The following TRAPPC8 variants were observed in gnomAD, a reference collection of about 807,000 sequenced individuals.
The protein encoded by TRAPPC8 is trafficking protein particle complex subunit 8, also known as general sporulation gene 1 homolog.
Under a neutral mutation model 174.3 loss-of-function variants are expected in TRAPPC8, and 54 were observed. The ratio of observed to expected loss-of-function variants is 0.31; its 90% confidence interval spans 0.25 to 0.39. The LOEUF (loss-of-function observed/expected upper bound fraction) is 0.39, where lower values mean the gene tolerates loss of function less well. Among genes scored for constraint, TRAPPC8 ranks in the 10% least tolerant of loss-of-function variants. The probability of loss-of-function intolerance (pLI) is 1.00; values close to 1 mark genes in which losing one functional copy is unlikely to be tolerated. For missense variants in TRAPPC8, 1,531 were observed against 1,699.1 expected (o/e 0.90, Z 1.74); for synonymous variants, 630 against 579.9 (o/e 1.09, Z -1.24).
rs1409546557 is a variant in TRAPPC8, at chr18:31,830,801, C to T, written c.4262G>A (p.Ser1421Asn). ...CAGGGCAGGCATGGAATTCTGCTGACTTGTTTCAAACACTGTAACTTGGTC... is the reference window on the plus strand; with the variant it reads ...CAGGGCAGGCATGGAATTCTGCTGATTTGTTTCAAACACTGTAACTTGGTC... The part of the protein sequence containing the change: ...LSDQVTVFET[S>N]QQNSMPALII... The change falls in exon 29 of 29, where the codon AGT becomes AAT. Residue 1421 changes from serine (S) to asparagine (N), a missense_variant. Transcript: ENST00000283351. 6.2e-7 allele frequency: 1 copy of T among 1,614,176 alleles called. No homozygotes were observed. Among genetic ancestry groups the T allele is most frequent in the South Asian group, 1.1e-5 (1 of 91,078 alleles).
chr18:31,891,038 C>A, intron 11 of TRAPPC8, 172 bp from the exon 12 acceptor site: 1 of 426,238 alleles, frequency 2.3e-6, no homozygotes, highest in East Asian at 5.1e-5. Flanking sequence ...CCAATAAACA[C>A]AAAATTCTTT....
In TRAPPC8 at chr18:31,933,162, G is replaced by A. The variant is rs553397230; in HGVS notation, c.158-1639C>T. Among the ~76,000 whole-genome samples the A allele has an allele frequency of 5.6e-4, 85 of 151,940 alleles. 1 individual carries two copies. Among genetic ancestry groups the A allele is most frequent in the African/African-American group, 1.7e-3 (69 of 41,418 alleles). ...TAAAAACATAAAAAATTAGCCGGGCGTGGTGGTGGGCACCTATAGTCCCAG... is the reference window on the plus strand; with the variant it reads ...TAAAAACATAAAAAATTAGCCGGGCATGGTGGTGGGCACCTATAGTCCCAG... On this transcript the variant is annotated intron_variant, in intron 1 of 28. Transcript: ENST00000283351.
chr18:31,875,013 G>A (rs1216324671), intron 12 of TRAPPC8, among the ~76,000 whole-genome samples: 2 of 152,050 alleles, frequency 1.3e-5, no homozygotes, highest in East Asian at 1.9e-4. Flanking sequence ...ATTTCAAAAC[G>A]TCAACTTCAG....
intron 12 of TRAPPC8, among the ~76,000 whole-genome samples, chr18:31,875,792 G>T (rs1217975246): frequency 6.6e-6 from 1 of 152,166 alleles, no homozygotes; most frequent in African/African-American, 2.4e-5. Context: ...CATCATCAAT[G>T]TAAAAAATCA....
rs777600912 is a variant in TRAPPC8, at chr18:31,942,721, G to A, written c.44C>T (p.Ser15Phe). 4.4e-6 allele frequency: 7 copies of A among 1,606,300 alleles called. No individual in the cohort carries two copies. The highest frequency in any genetic ancestry group is 3.3e-5 in the South Asian group (3 of 90,018). The change falls in exon 1 of 29, where the codon TCC becomes TTC. Residue 15 changes from serine to phenylalanine, a missense_variant. Coordinates refer to ENST00000283351, the MANE Select transcript of TRAPPC8 (RefSeq NM_014939.5). ...VQSVQELIPDSFVPCVAALCS... is the reference protein window; with the variant it reads ...VQSVQELIPDFFVPCVAALCS... ...CAGCGCAGCGACACAGGGGACGAAG[G>A]AGTCCGGGATTAGCTCCTGCACTGA...
At chr18:31,931,244 G>C in intron 2 of TRAPPC8, 85 bp downstream of exon 2, 1 of 1,278,100 alleles carries the variant, frequency 7.8e-7, no homozygotes, top group Non-Finnish European at 1.1e-6. Flanking sequence ...TTAAATACAT[G>C]TTGATCATCT....
intron 1 of TRAPPC8, among the ~76,000 whole-genome samples, chr18:31,941,519 G>C (rs970713940): frequency 6.6e-6 from 1 of 152,158 alleles, no homozygotes; most frequent in South Asian, 2.1e-4. Context: ...CAACACTGAA[G>C]GAACTGAGAC....
chr18:31,918,120 C>T (rs4442900), intron 2 of TRAPPC8, among the ~76,000 whole-genome samples: 45 of 151,856 alleles, frequency 3.0e-4, no homozygotes, highest in African/African-American at 9.4e-4. Flanking sequence ...AATGAGACTC[C>T]GTCTCAAAAT....
At chr18:31,901,405 T>C (rs1401195570) in intron 9 of TRAPPC8, among the ~76,000 whole-genome samples, 1 of 152,214 alleles carries the variant, frequency 6.6e-6, no homozygotes, top group East Asian at 1.9e-4. Context: ...CTTGGCCAAC[T>C]GGTCTCAGAG....
chr18:31,935,129 G>C (rs2145651534), intron 1 of TRAPPC8, among the ~76,000 whole-genome samples: 1 of 151,698 alleles, frequency 6.6e-6, no homozygotes, highest in Non-Finnish European at 1.5e-5. Flanking sequence ...CGGATCACCT[G>C]AGGTTGGGAG....
chr18:31,849,732 C>T lies in TRAPPC8; in HGVS notation c.3569G>A (p.Ser1190Asn), dbSNP rs1246278727. 2 of 1,587,900 alleles carry T rather than the reference C, an allele frequency of 1.3e-6. No individual in the cohort carries two copies. Among genetic ancestry groups the T allele is most frequent in the Admixed American group, 3.7e-5 (2 of 53,416 alleles). ...DIIFGNEQIISSASPCADFFY... is the reference protein window; with the variant it reads ...DIIFGNEQIINSASPCADFFY... ...GAAGTCTGCACATGGGCTTGCTGAACTTATTATCTGTTAAAAGAAAATCAC... is the reference window on the plus strand; with the variant it reads ...GAAGTCTGCACATGGGCTTGCTGAATTTATTATCTGTTAAAAGAAAATCAC... Residue 1190 changes from serine (S) to asparagine (N), a missense_variant, in exon 25 of 29, where the codon AGT (serine) becomes AAT (asparagine). Ser to Asn is a conservative substitution (Grantham distance 46). Transcript: ENST00000283351.
At chr18:31,841,242 A>G (rs1210975322) in intron 26 of TRAPPC8, among the ~76,000 whole-genome samples, 1 of 152,178 alleles carries the variant, frequency 6.6e-6, no homozygotes, top group African/African-American at 2.4e-5. Flanking sequence ...GAGGAGAGAA[A>G]AGAAAACCAG....
At chr18:31,864,229 G>T (rs902749754) in intron 19 of TRAPPC8, among the ~76,000 whole-genome samples, 4 of 151,652 alleles carry the variant, frequency 2.6e-5, no homozygotes, top group Admixed American at 2.6e-4. Context: ...GATAGGATGG[G>T]ATAAGAAGGT....
intron 27 of TRAPPC8, among the ~76,000 whole-genome samples, chr18:31,836,722 C>T (rs1568028396): frequency 6.6e-6 from 1 of 151,090 alleles, no homozygotes; most frequent in Non-Finnish European, 1.5e-5. Flanking sequence ...CAAACTGGAA[C>T]CTCTGGGGGT....
At chr18:31,856,466 G>A in intron 20 of TRAPPC8, among the ~76,000 whole-genome samples, 1 of 22,900 alleles carries the variant, frequency 4.4e-5, no homozygotes, top group East Asian at 1.0e-3. Context: ...GATCTTAAGT[G>A]AGGCCCACCT....
intron 11 of TRAPPC8, among the ~76,000 whole-genome samples, chr18:31,896,657 G>A (rs930995613): frequency 1.3e-5 from 2 of 152,076 alleles, no homozygotes; most frequent in East Asian, 1.9e-4. Context: ...AATGAGTCTC[G>A]CTCTGTCGTC....
At chr18:31,854,949 G>A (rs1332622727) in intron 21 of TRAPPC8, among the ~76,000 whole-genome samples, 12 of 114,778 alleles carry the variant, frequency 1.0e-4, no homozygotes, top group African/African-American at 4.0e-4. Context: ...CTGGGCGACA[G>A]AGCAAGACTC....
rs1320485661 is a variant in TRAPPC8, at chr18:31,931,611, G to C, written c.158-88C>G. 3.8e-6 allele frequency: 4 copies of C among 1,040,634 alleles called. No individual in the cohort carries two copies. The African/African-American group carries it at 6.5e-5, about 17-fold the overall frequency. The allele number at this position is 1,040,634 out of a possible 1,614,324, so 64.5% of individuals were successfully genotyped here. A position where few individuals can be genotyped will look rare whatever the true frequency, so the allele number is the denominator to read the frequency against. Reference sequence around the variant, plus strand: ...TGGGCTGATGGTTTACAAACAAAAAGGATGTACAAAGCAGAAGCCAGCAAT... The same window carrying C: ...TGGGCTGATGGTTTACAAACAAAAACGATGTACAAAGCAGAAGCCAGCAAT... On this transcript the variant is annotated intron_variant, in intron 1 of 28. Coordinates refer to ENST00000283351, the MANE Select transcript of TRAPPC8 (RefSeq NM_014939.5).
Position 31,857,647 on chromosome 18 carries a change from T to A in TRAPPC8, c.3081A>T (p.Gly1027=), listed in dbSNP as rs2034093768. The change falls in exon 20 of 29, where the codon GGA becomes GGT. Residue 1027 remains glycine, a synonymous_variant. Coordinates refer to ENST00000283351, the MANE Select transcript of TRAPPC8 (RefSeq NM_014939.5). ...ACCACATTGGCAGCTGCACTGAGGC[T>A]CCGGGTAGAAGAACAGTGTCAGGAA... ...VPLPDTVLLP[G]ASVQLPMWLR... 1 of 1,613,998 alleles carries A rather than the reference T, an allele frequency of 6.2e-7. No individual in the cohort carries two copies.
Sources: allele counts gnomAD v4.1 joint callset (sites outside exome capture counted in the v4.1 genomes callset), GRCh38; gene constraint gnomAD v4.1.1; transcripts MANE v1.5; gene names NCBI Gene and HGNC (gene_info 2026-07-23, HGNC 2026-07-21).